APLF: variants seen among roughly 807,000 people sequenced by gnomAD.
APLF encodes the protein aprataxin and PNK-like factor.
In APLF, 61 loss-of-function variants were observed where a neutral mutation model predicts 55.6. The observed-to-expected ratio is 1.10, with a 90% CI of 0.89 to 1.36. APLF has a LOEUF of 1.36. APLF is among the 40% of genes most tolerant of loss of function. The pLI, the probability that APLF is intolerant of heterozygous loss-of-function variation, is 0.00. For synonymous variants in APLF, 207 were observed against 214.8 expected, an observed-to-expected ratio of 0.96 and a Z score of 0.32; for missense variants, 611 against 602.5, an observed-to-expected ratio of 1.01 and a Z score of -0.15.
chr2:68,530,877 T>TA (rs111378354), intron 6 of APLF, among the ~76,000 whole-genome samples: 6 of 151,630 alleles, frequency 4.0e-5, no homozygotes, highest in Non-Finnish European at 5.9e-5. Flanking sequence ...GGCAAGAAGT[T>TA]AAAAAAAAAT....
chr2:68,482,227 T>G (rs1189987589), intron 1 of APLF, among the ~76,000 whole-genome samples: 1 of 152,204 alleles, frequency 6.6e-6, no homozygotes, highest in African/African-American at 2.4e-5. Flanking sequence ...TCTAATTTTA[T>G]GCAGTAGCTT....
In APLF at chr2:68,578,032, T is replaced by A. The variant is rs1294382062; in HGVS notation, c.*10T>A. ...TATGAAAAGAAAATAGTAACTAACT[T>A]CTGTAGTCATATCTGCCTTACATTT... is the stretch of plus-strand genomic sequence containing the variant. On this transcript the variant is annotated 3_prime_UTR_variant, in exon 10 of 10. Transcript: ENST00000303795. 1.2e-6 allele frequency: 2 copies of A among 1,609,122 alleles called. No individual in the cohort carries two copies. Among genetic ancestry groups the A allele is most frequent in the Non-Finnish European group, 1.7e-6 (2 of 1,177,782 alleles).
chr2:68,580,105 C>T lies in APLF; in HGVS notation c.*2083C>T. Reference sequence around the variant, plus strand: ...ACAGTTTTAATGCAACTTTCATAATCATCCTGAAGACACTTTTGAGTATAA... The same window carrying T: ...ACAGTTTTAATGCAACTTTCATAATTATCCTGAAGACACTTTTGAGTATAA... On this transcript the variant is annotated 3_prime_UTR_variant, in exon 10 of 10. Coordinates refer to ENST00000303795, the MANE Select transcript of APLF (RefSeq NM_173545.3). The T allele has an allele frequency of 1.1e-6, 1 of 941,986 alleles. No homozygotes were observed. Among genetic ancestry groups the T allele is most frequent in the South Asian group, 4.9e-5 (1 of 20,382 alleles). 58.4% of individuals were successfully genotyped at this position (941,986 alleles called of 1,614,324 possible). A position where few individuals can be genotyped will look rare whatever the true frequency, so the allele number is the denominator to read the frequency against.
intron 9 of APLF, among the ~76,000 whole-genome samples, chr2:68,572,798 C>T (rs1282606157): frequency 6.6e-6 from 1 of 152,134 alleles, no homozygotes; most frequent in Admixed American, 6.6e-5. Flanking sequence ...GTGATTGTGT[C>T]ACTGCACTCT....
intron 1 of APLF, among the ~76,000 whole-genome samples, chr2:68,471,623 CA>C (rs1357769528): frequency 1.3e-5 from 2 of 152,156 alleles, no homozygotes; most frequent in African/African-American, 4.8e-5. Flanking sequence ...GGGAAGGCCA[CA>C]AGGAGAGGGT....
chr2:68,518,317 T>G (rs1258700378), intron 5 of APLF, among the ~76,000 whole-genome samples: 1 of 112,964 alleles, frequency 8.9e-6, no homozygotes, highest in African/African-American at 3.6e-5. Context: ...TATTATTTAA[T>G]AATATATAAT....
In APLF at chr2:68,467,791, C is replaced by T; in HGVS notation, c.60C>T (p.Pro20=). The T allele has an allele frequency of 8.1e-7, 1 of 1,234,032 alleles. No homozygotes were observed. The highest frequency in any genetic ancestry group is 1.0e-6 in the Non-Finnish European group (1 of 988,108). The allele number at this position is 1,234,032 out of a possible 1,614,324, so 76.4% of individuals were successfully genotyped here. A position where few individuals can be genotyped will look rare whatever the true frequency, so the allele number is the denominator to read the frequency against. The change falls in exon 1 of 10, where the codon CCC becomes CCT. Residue 20 remains proline (P), a synonymous_variant. Transcript: ENST00000303795. ...GCGGTCCCCGGGTGGCCCTGGCGCC[C>T]GGGGAGACGGTGATCGGCCGCGGGC... ...RDGGPRVALA[P]GETVIGRGPL...
At chr2:68,497,549 G>T (rs891966768) in intron 2 of APLF, among the ~76,000 whole-genome samples, 25 of 151,616 alleles carry the variant, frequency 1.6e-4, no homozygotes, top group African/African-American at 6.0e-4. Flanking sequence ...CATGCTGTCT[G>T]TACAGGCTAC....
chr2:68,519,988 T>C (rs779050658), intron 5 of APLF, among the ~76,000 whole-genome samples: 21 of 151,882 alleles, frequency 1.4e-4, no homozygotes, highest in African/African-American at 4.8e-4. Flanking sequence ...ATTATGTTTT[T>C]GATTTTTAAA....
intron 2 of APLF, among the ~76,000 whole-genome samples, chr2:68,497,649 CA>C (rs1458735111): frequency 6.6e-6 from 1 of 151,598 alleles, no homozygotes; most frequent in Non-Finnish European, 1.5e-5. Context: ...GGGAGGTGCC[CA>C]CTCTGTATTA....
chr2:68,468,989 G>GGGGTGTGTGT (rs571326050), intron 1 of APLF, among the ~76,000 whole-genome samples: 7 of 146,662 alleles, frequency 4.8e-5, no homozygotes, highest in African/African-American at 1.8e-4. Context: ...GTCCTAAAGG[G>GGGGTGTGTGT]GTGTGTGTGT....
chr2:68,497,306 G>A (rs564922899), intron 2 of APLF, among the ~76,000 whole-genome samples: 3 of 152,244 alleles, frequency 2.0e-5, no homozygotes, highest in Non-Finnish European at 2.9e-5. Context: ...ATCTCATGTC[G>A]AACTGTAATC....
intron 2 of APLF, among the ~76,000 whole-genome samples, chr2:68,497,992 A>C (rs1315202346): frequency 6.8e-6 from 1 of 146,650 alleles, no homozygotes; most frequent in Non-Finnish European, 1.5e-5. Flanking sequence ...ATCTTGAAAT[A>C]GATTGATGTA....
At chr2:68,509,641 A>G (rs890294263) in intron 3 of APLF, among the ~76,000 whole-genome samples, 1 of 152,160 alleles carries the variant, frequency 6.6e-6, no homozygotes, top group Admixed American at 6.6e-5. Flanking sequence ...TAGTTCAACC[A>G]CTGTGGAAGA....
At chr2:68,577,775 T>A in intron 9 of APLF, 45 bp from the exon 10 acceptor site, 10 of 1,597,684 alleles carry the variant, frequency 6.3e-6, no homozygotes, top group Non-Finnish European at 8.6e-6. Context: ...TCATCCCAGG[T>A]TGAGTGGTGA....
chr2:68,578,500 T>G lies in APLF; in HGVS notation c.*478T>G. On this transcript the variant is annotated 3_prime_UTR_variant, in exon 10 of 10. Coordinates refer to ENST00000303795, the MANE Select transcript of APLF (RefSeq NM_173545.3). Reference sequence around the variant, plus strand: ...AGCCATTACATAATGGCGTTTTTTTTCTAGTACCTTAGATGTGAGCTTTGC... The same window carrying G: ...AGCCATTACATAATGGCGTTTTTTTGCTAGTACCTTAGATGTGAGCTTTGC... The G allele has an allele frequency of 1.0e-6, 1 of 987,268 alleles. No individual in the cohort carries two copies. The highest frequency in any genetic ancestry group is 1.2e-6 in the Non-Finnish European group (1 of 831,280). The allele number at this position is 987,268 out of a possible 1,614,324, so 61.2% of individuals were successfully genotyped here. A position where few individuals can be genotyped will look rare whatever the true frequency, so the allele number is the denominator to read the frequency against.
intron 7 of APLF, among the ~76,000 whole-genome samples, chr2:68,542,458 AAAC>A (rs1670582970): frequency 6.6e-6 from 1 of 152,194 alleles, no homozygotes; most frequent in African/African-American, 2.4e-5. Context: ...AACAACCAAA[AAAC>A]AAATTACCCA....
intron 5 of APLF, among the ~76,000 whole-genome samples, chr2:68,523,482 T>G (rs1009738397): frequency 1.3e-5 from 2 of 152,040 alleles, no homozygotes; most frequent in African/African-American, 4.8e-5. Flanking sequence ...TAGTCCTGTA[T>G]ATGTTTATGC....
At chr2:68,490,326 G>T in intron 2 of APLF, 65 bp downstream of exon 2, 1 of 1,389,954 alleles carries the variant, frequency 7.2e-7, no homozygotes, top group Non-Finnish European at 1.0e-6. Context: ...CCAAGCAGAG[G>T]TGCCTATTTT....
Sources: allele counts gnomAD v4.1 joint callset (sites outside exome capture counted in the v4.1 genomes callset), GRCh38; gene constraint gnomAD v4.1.1; transcripts MANE v1.5; gene names NCBI Gene and HGNC (gene_info 2026-07-23, HGNC 2026-07-21).